Variants in WBP2 observed in about 807,000 individuals in gnomAD.
WBP2 encodes WW domain-binding protein 2.
Under a neutral mutation model 33.0 loss-of-function variants are expected in WBP2, and 23 were observed. The observed-to-expected ratio is 0.70, with a 90% CI of 0.50 to 0.99. WBP2 has a LOEUF of 0.99. Ranked by LOEUF, WBP2 falls within the 50% of genes least tolerant of loss-of-function variation. The pLI, the probability that WBP2 is intolerant of heterozygous loss-of-function variation, is 0.00. For synonymous variants in WBP2, 153 were observed against 133.5 expected (o/e 1.15, Z -1.01); for missense variants, 353 against 358.0 (o/e 0.99, Z 0.11).
chr17:75,855,149 A>G, intron 1 of WBP2, 90 bp downstream of exon 1: 1 of 1,071,580 alleles, frequency 9.3e-7, no homozygotes, highest in South Asian at 1.4e-5. Context: ...CTCCCTCTTC[A>G]GGGGCTTATT....
At chr17:75,852,835 T>C (rs980014785) in intron 1 of WBP2, 2 of 978,246 alleles carry the variant, frequency 2.0e-6, no homozygotes, top group Admixed American at 6.2e-5. Flanking sequence ...AATATAAACA[T>C]GTCTAAGAGA....
chr17:75,846,463 C>T lies in WBP2; in HGVS notation c.*271G>A, dbSNP rs1051527718. 4 of 524,886 alleles carry T rather than the reference C, an allele frequency of 7.6e-6. No individual in the cohort carries two copies. Among genetic ancestry groups the T allele is most frequent in the Non-Finnish European group, 1.4e-5 (4 of 294,232 alleles). The allele number at this position is 524,886 out of a possible 1,614,324, so 32.5% of individuals were successfully genotyped here. On this transcript the variant is annotated 3_prime_UTR_variant, in exon 8 of 8. Coordinates refer to ENST00000254806, the MANE Select transcript of WBP2 (RefSeq NM_012478.4). This position sits in a 1 kb window ranked among gnomAD's most constrained non-coding sequence, Gnocchi z 4.8. ...GGAGAAGCTGAGAGTGAAACAGGAA[C>T]AGGGGATGCTCCGTGCTCCCAGAAG...
chr17:75,846,832 CAT>C lies in WBP2; in HGVS notation c.733-47_733-46del, dbSNP rs2064995355. 6.2e-7 allele frequency: 1 copy of C among 1,606,642 alleles called. No individual in the cohort carries two copies. Among genetic ancestry groups the C allele is most frequent in the East Asian group, 2.2e-5 (1 of 44,696 alleles). The stretch of plus-strand genomic sequence containing the variant: ...GAGACTTGCATTAGAAGGTTTAAAA[CAT>C]GGTGCGGTCATCCCCCTGCGGCTCC... On this transcript the variant is annotated intron_variant, in intron 7 of 7. Transcript: ENST00000254806. This position sits in a 1 kb window ranked among gnomAD's most constrained non-coding sequence, Gnocchi z 4.8.
chr17:75,852,365 A>G (rs533901361), intron 1 of WBP2: 1 of 152,384 alleles, frequency 6.6e-6, no homozygotes, highest in South Asian at 2.1e-4. Flanking sequence ...CCCCCAAATG[A>G]TCAACATGGT....
Position 75,855,178 on chromosome 17 carries a change from A to ACCGCCCACTT in WBP2, c.59+51_59+60dup, listed in dbSNP as rs2065050566. ...GCTTATTCCCCACCACCCACCACCC[A>ACCGCCCACTT]CCGCCCACTTCCTCGACACCCGAAC... On this transcript the variant is annotated intron_variant, in intron 1 of 7. Transcript: ENST00000254806. 2.6e-5 allele frequency: 9 copies of ACCGCCCACTT among 342,926 alleles called. No individual in the cohort carries two copies. The African/African-American group carries it at 6.5e-4, about 25-fold the overall frequency. 21.2% of individuals were successfully genotyped at this position (342,926 alleles called of 1,614,324 possible).
rs750335308 is a variant in WBP2, at chr17:75,846,649, C to T, written c.*85G>A. 34 of 1,442,688 alleles carry T rather than the reference C, an allele frequency of 2.4e-5. No homozygotes were observed. The South Asian group carries it at 4.1e-4, about 17-fold the overall frequency. The allele number at this position is 1,442,688 out of a possible 1,614,324, so 89.4% of individuals were successfully genotyped here. On this transcript the variant is annotated 3_prime_UTR_variant, in exon 8 of 8. Coordinates refer to ENST00000254806, the MANE Select transcript of WBP2 (RefSeq NM_012478.4). The surrounding 1 kb of genome is among the most constrained non-coding windows in gnomAD (Gnocchi z 4.8). ...AGACCTGGAGGGAGAACAAGGCGCC[C>T]CCTCCCCTCCCCAAGCCCCAGCACA...
chr17:75,846,632 A>T lies in WBP2; in HGVS notation c.*102T>A. 1 of 1,306,314 alleles carries T rather than the reference A, an allele frequency of 7.7e-7. No homozygotes were observed. The highest frequency in any genetic ancestry group is 1.3e-5 in the South Asian group (1 of 77,432). The allele number at this position is 1,306,314 out of a possible 1,614,324, so 80.9% of individuals were successfully genotyped here. A position where few individuals can be genotyped will look rare whatever the true frequency, so the allele number is the denominator to read the frequency against. ...GGTAATTGTTTATGATCAGACCTGG[A>T]GGGAGAACAAGGCGCCCCCTCCCCT... On this transcript the variant is annotated 3_prime_UTR_variant, in exon 8 of 8. Transcript: ENST00000254806. This position sits in a 1 kb window ranked among gnomAD's most constrained non-coding sequence, Gnocchi z 4.8.
chr17:75,852,198 C>A (rs1050961267), intron 1 of WBP2: 3 of 154,556 alleles, frequency 1.9e-5, no homozygotes, highest in Non-Finnish European at 4.3e-5. Flanking sequence ...GCGGGTGAAT[C>A]GCTTGAGCCT....
Position 75,847,514 on chromosome 17 carries a change from C to T in WBP2, c.628G>A (p.Gly210Ser), listed in dbSNP as rs1211713303. Residue 210 changes from glycine (G) to serine (S), a missense_variant, in exon 6 of 8, where the codon GGC (glycine) becomes AGC (serine). By Grantham distance (56) the Gly-to-Ser change is moderately conservative. Coordinates refer to ENST00000254806, the MANE Select transcript of WBP2 (RefSeq NM_012478.4). Reference protein sequence around the residue: ...YPGPMEPPVSGPDVPSTPAAE... With the variant: ...YPGPMEPPVSSPDVPSTPAAE... ...GCAGGAGTGGAGGGGACATCGGGGCCGCTGACCGGAGGTTCCATGGGCCCA... is the reference window on the plus strand; with the variant it reads ...GCAGGAGTGGAGGGGACATCGGGGCTGCTGACCGGAGGTTCCATGGGCCCA... The T allele has an allele frequency of 1.1e-5, 17 of 1,590,392 alleles. No homozygotes were observed. The highest frequency in any genetic ancestry group is 4.0e-5 in the African/African-American group (3 of 74,204).
rs1301446716 is a variant in WBP2 at position 75,847,804 on chromosome 17, G to A, written c.524C>T (p.Pro175Leu). 1.3e-6 allele frequency: 2 copies of A among 1,557,486 alleles called. No homozygotes were observed. The highest frequency in any genetic ancestry group is 1.7e-6 in the Non-Finnish European group (2 of 1,149,946). Residue 175 changes from proline to leucine, a missense_variant, in exon 5 of 8, where the codon CCC (proline) becomes CTC (leucine). By Grantham distance (98) the Pro-to-Leu change is moderately conservative. Transcript: ENST00000254806. Reference protein sequence around the residue: ...PCPPGYPYPPPPPEFYPGPPM... With the variant: ...PCPPGYPYPPLPPEFYPGPPM... Reference sequence around the variant, plus strand: ...GCAAAGGACACACTCACCAGGTGGGGGCGGTGGATAGGGGTAGCCAGGAGG... The same window carrying A: ...GCAAAGGACACACTCACCAGGTGGGAGCGGTGGATAGGGGTAGCCAGGAGG...
In WBP2 at chr17:75,846,006, A is replaced by C. The variant is rs2064987727; in HGVS notation, c.*728T>G. ...GCAGCCACCAAGTGGACAGACATGC[A>C]TTCTCTGGTTCCAGTCAGGAAGCTC... is the stretch of plus-strand genomic sequence containing the variant. On this transcript the variant is annotated 3_prime_UTR_variant, in exon 8 of 8. Transcript: ENST00000254806. This position sits in a 1 kb window ranked among gnomAD's most constrained non-coding sequence, Gnocchi z 4.8. The C allele has an allele frequency of 6.6e-6, 1 of 152,498 alleles. No individual in the cohort carries two copies. The highest frequency in any genetic ancestry group is 6.5e-5 in the Admixed American group (1 of 15,290). 9.4% of individuals were successfully genotyped at this position (152,498 alleles called of 1,614,324 possible).
chr17:75,848,053 C>T, intron 4 of WBP2, 123 bp from the exon 5 acceptor site: 1 of 1,289,348 alleles, frequency 7.8e-7, no homozygotes, highest in Non-Finnish European at 1.1e-6. Flanking sequence ...CATCCTCTGT[C>T]CATCCCACTC....
rs766472753 is a variant in WBP2, at chr17:75,846,999, A to G, written c.656-15T>C. On this transcript the variant is annotated splice_polypyrimidine_tract_variant and intron_variant, in intron 6 of 7. Coordinates refer to ENST00000254806, the MANE Select transcript of WBP2 (RefSeq NM_012478.4). The surrounding 1 kb of genome is among the most constrained non-coding windows in gnomAD (Gnocchi z 4.8). The stretch of plus-strand genomic sequence containing the variant: ...CTTGGCTTCGGCTGTGAGAGCAAAC[A>G]CACCTGGTGTCGGTGACAAGTTCTC... The G allele has an allele frequency of 1.2e-5, 19 of 1,613,832 alleles. No homozygotes were observed. Among genetic ancestry groups the G allele is most frequent in the Non-Finnish European group, 1.5e-5 (18 of 1,179,942 alleles).
intron 2 of WBP2, 99 bp from the exon 3 acceptor site, chr17:75,849,838 C>G: frequency 6.7e-7 from 1 of 1,492,462 alleles, no homozygotes. Context: ...TCTCCCAGTG[C>G]CAGGGTCCAG....
chr17:75,854,490 T>A (rs1206009678), intron 1 of WBP2, among the ~76,000 whole-genome samples: 1 of 152,066 alleles, frequency 6.6e-6, no homozygotes, highest in East Asian at 1.9e-4. Flanking sequence ...AACCTTGAAT[T>A]AGGAGAGCTC....
chr17:75,850,983 C>T (rs1169305515), intron 2 of WBP2, among the ~76,000 whole-genome samples: 3 of 152,196 alleles, frequency 2.0e-5, no homozygotes, highest in African/African-American at 4.8e-5. Context: ...CATGAGCCTC[C>T]GCACCAGCCT....
intron 3 of WBP2, chr17:75,848,939 A>G: frequency 2.0e-6 from 1 of 505,326 alleles, no homozygotes; most frequent in South Asian, 2.1e-5. Flanking sequence ...CCCTTGGCCC[A>G]ATATGTACAC....
Position 75,847,522 on chromosome 17 carries a change from G to A in WBP2, c.620C>T (p.Pro207Leu), listed in dbSNP as rs1180298209. ...GGAGGGGACATCGGGGCCGCTGACC[G>A]GAGGTTCCATGGGCCCAGGGTAGGG... is the stretch of plus-strand genomic sequence containing the variant. ...PPPYPGPMEP[P>L]VSGPDVPSTP... The change falls in exon 6 of 8, where the codon CCG (proline) becomes CTG (leucine). Residue 207 changes from proline (P) to leucine (L), a missense_variant. By Grantham distance (98) the Pro-to-Leu change is moderately conservative. Coordinates refer to ENST00000254806, the MANE Select transcript of WBP2 (RefSeq NM_012478.4). The A allele has an allele frequency of 2.5e-6, 4 of 1,592,860 alleles. No homozygotes were observed. The highest frequency in any genetic ancestry group is 3.4e-6 in the Non-Finnish European group (4 of 1,169,208).
upstream of WBP2, among the ~76,000 whole-genome samples, chr17:75,855,952 G>A (rs770679473): frequency 6.6e-6 from 1 of 152,224 alleles, no homozygotes; most frequent in African/African-American, 2.4e-5. Context: ...AGCCCGGGGG[G>A]CGGGGAGAGT....
Sources: allele counts gnomAD v4.1 joint callset (sites outside exome capture counted in the v4.1 genomes callset), GRCh38; gene constraint gnomAD v4.1.1; non-coding constraint Gnocchi (gnomAD v3.1); transcripts MANE v1.5; gene names NCBI Gene and HGNC (gene_info 2026-07-23, HGNC 2026-07-21).